Variants in STIM2 observed in about 807,000 individuals in gnomAD.
STIM2 encodes stromal interaction molecule 2.
Under a neutral mutation model 85.8 loss-of-function variants are expected in STIM2, and 31 were observed. That is an observed-to-expected ratio of 0.36 (90% CI 0.27 to 0.49). STIM2 has a LOEUF of 0.49. STIM2 is among the 20% of genes least tolerant of loss of function. The pLI is 0.98. For synonymous variants in STIM2, 356 were observed against 331.1 expected, an observed-to-expected ratio of 1.08 and a Z score of -0.82; for missense variants, 841 against 927.6, an observed-to-expected ratio of 0.91 and a Z score of 1.21.
chr4:26,885,118 C>G (rs1723166579), intron 1 of STIM2, among the ~76,000 whole-genome samples: 1 of 152,108 alleles, frequency 6.6e-6, no homozygotes, highest in Non-Finnish European at 1.5e-5. Flanking sequence ...CACAGATACT[C>G]TTAAGGATTG....
At chr4:27,009,174 G>A (rs577202174) in intron 10 of STIM2, among the ~76,000 whole-genome samples, 172 bp downstream of exon 10, 44 of 151,988 alleles carry the variant, frequency 2.9e-4, no homozygotes, top group Admixed American at 3.3e-4. Flanking sequence ...AATACCATAT[G>A]CAATGCATAT....
chr4:26,950,603 G>A (rs925954184), intron 2 of STIM2, among the ~76,000 whole-genome samples: 1 of 152,134 alleles, frequency 6.6e-6, no homozygotes, highest in African/African-American at 2.4e-5. Context: ...TAGTAACAAG[G>A]CACTCACCAG....
chr4:26,916,764 G>A (rs1013471458), intron 1 of STIM2, among the ~76,000 whole-genome samples: 7 of 151,496 alleles, frequency 4.6e-5, no homozygotes, highest in African/African-American at 1.5e-4. Context: ...GTCACTGAAC[G>A]TATGATGCTG....
At chr4:26,869,774 C>T (rs1214203050) in intron 1 of STIM2, among the ~76,000 whole-genome samples, 1 of 150,846 alleles carries the variant, frequency 6.6e-6, no homozygotes, top group Non-Finnish European at 1.5e-5. Context: ...TATTTTGTTT[C>T]TTAAAAGGCC....
chr4:27,021,463 C>T (rs572844908), intron 11 of STIM2: 114 of 456,622 alleles, frequency 2.5e-4, no homozygotes, highest in South Asian at 1.7e-3. Flanking sequence ...AATGCAGGGC[C>T]CTGAGGGGTC....
intron 3 of STIM2, among the ~76,000 whole-genome samples, chr4:26,961,412 C>T (rs1726463660): frequency 6.6e-6 from 1 of 152,088 alleles, no homozygotes; most frequent in Non-Finnish European, 1.5e-5. Flanking sequence ...TGATGTGACC[C>T]CTAATTACTA....
At chr4:26,895,396 A>G (rs1577422510) in intron 1 of STIM2, among the ~76,000 whole-genome samples, 1 of 152,146 alleles carries the variant, frequency 6.6e-6, no homozygotes, top group Non-Finnish European at 1.5e-5. Context: ...TTATTTTCAA[A>G]ATGGTTTTGC....
intron 2 of STIM2, among the ~76,000 whole-genome samples, chr4:26,947,881 A>G (rs912470990): frequency 6.6e-6 from 1 of 152,228 alleles, no homozygotes; most frequent in Non-Finnish European, 1.5e-5. Flanking sequence ...TCGTATGTCT[A>G]TCTTTTTCTA....
intron 7 of STIM2, among the ~76,000 whole-genome samples, chr4:27,004,452 C>T (rs1240074777): frequency 6.6e-6 from 1 of 152,110 alleles, no homozygotes; most frequent in Non-Finnish European, 1.5e-5. Context: ...CCTTTTTCCA[C>T]CAAGACATCC....
chr4:27,002,151 G>A (rs1418035330), intron 5 of STIM2, 66 bp from the exon 6 acceptor site: 5 of 1,442,852 alleles, frequency 3.5e-6, no homozygotes, highest in African/African-American at 1.4e-5. Context: ...CTTAAAAAAT[G>A]TCTTTTTGTA....
At chr4:26,940,763 T>C (rs1472790662) in intron 2 of STIM2, among the ~76,000 whole-genome samples, 3 of 152,164 alleles carry the variant, frequency 2.0e-5, no homozygotes, top group Non-Finnish European at 4.4e-5. Context: ...TTTGCTATTC[T>C]CTCCCCTACT....
At chr4:26,868,021 A>G (rs945989132) in intron 1 of STIM2, among the ~76,000 whole-genome samples, 1 of 152,240 alleles carries the variant, frequency 6.6e-6, no homozygotes, top group Non-Finnish European at 1.5e-5. Context: ...CTATAGCACA[A>G]GCATCATGGC....
At position 27,022,675 on chromosome 4, in the gene STIM2, G is replaced by A. The variant is rs576781106; in HGVS notation, c.1920G>A (p.Ser640=). The A allele has an allele frequency of 9.9e-6, 16 of 1,614,068 alleles. No individual in the cohort carries two copies. The Admixed American group carries it at 2.0e-4, about 20-fold the overall frequency. The change falls in exon 12 of 12, where the codon TCG becomes TCA. Residue 640 remains serine, a synonymous_variant. Transcript: ENST00000467087. ...TAGAGGATTCCTCCCGAGGGGATTC[G>A]CCTGTAACTGTGGATGTGTCTTGGG...
chr4:27,007,682 AG>A lies in STIM2; in HGVS notation c.1132del (p.Ala378LeufsTer29), dbSNP rs760232129. On this transcript the variant is annotated frameshift_variant, in exon 8 of 12. Transcript: ENST00000467087. LOFTEE classifies it high-confidence loss of function. ...AAAGACAAAACGCTGAAATGCAGCT[AG>A]CTATTGCTAAAGATGAGGTACTCTC... 6.4e-7 allele frequency: 1 copy of A among 1,574,510 alleles called. No individual in the cohort carries two copies.
At chr4:26,921,477 G>A (rs910102551) in intron 2 of STIM2, among the ~76,000 whole-genome samples, 1 of 152,138 alleles carries the variant, frequency 6.6e-6, no homozygotes, top group African/African-American at 2.4e-5. Flanking sequence ...ATTCAACTCC[G>A]CCACTATAGT....
chr4:27,008,838 G>A lies in STIM2; in HGVS notation c.1325G>A (p.Gly442Asp). Residue 442 changes from glycine (G) to aspartate (D), a missense_variant, in exon 10 of 12, where the codon GGC becomes GAC. This residue lies in a region of STIM2 where 408 missense variants were observed against 525.4 expected (regional missense o/e 0.78). Coordinates refer to ENST00000467087, the MANE Select transcript of STIM2 (RefSeq NM_020860.4). ...TGGCAACAAATTGAGAAGATCTGTGGCTTTCAGATAGCCCATAACTCAGGA... is the reference window on the plus strand; with the variant it reads ...TGGCAACAAATTGAGAAGATCTGTGACTTTCAGATAGCCCATAACTCAGGA... 6.2e-7 allele frequency: 1 copy of A among 1,614,122 alleles called. No individual in the cohort carries two copies. Among genetic ancestry groups the A allele is most frequent in the South Asian group, 1.1e-5 (1 of 91,066 alleles).
intron 2 of STIM2, among the ~76,000 whole-genome samples, chr4:26,945,726 T>C (rs1725808848): frequency 6.6e-6 from 1 of 152,252 alleles, no homozygotes; most frequent in Non-Finnish European, 1.5e-5. Flanking sequence ...TTCATATGCT[T>C]GTTGGCTGTA....
Position 26,861,187 on chromosome 4 carries a change from G to T in STIM2, c.-32G>T. 1.4e-6 allele frequency: 2 copies of T among 1,442,216 alleles called. No individual in the cohort carries two copies. The highest frequency in any genetic ancestry group is 1.8e-6 in the Non-Finnish European group (2 of 1,096,802). The allele number at this position is 1,442,216 out of a possible 1,614,324, so 89.3% of individuals were successfully genotyped here. A position where few individuals can be genotyped will look rare whatever the true frequency, so the allele number is the denominator to read the frequency against. ...GCCTCGACTCCTGGCCCAGCGTGGG[G>T]CTGGCTGCTGCGGCGGCGGCGCTGG... On this transcript the variant is annotated 5_prime_UTR_variant, in exon 1 of 12. Coordinates refer to ENST00000467087, the MANE Select transcript of STIM2 (RefSeq NM_020860.4).
At chr4:26,983,691 A>G (rs2109115601) in intron 3 of STIM2, among the ~76,000 whole-genome samples, 1 of 152,352 alleles carries the variant, frequency 6.6e-6, no homozygotes, top group East Asian at 1.9e-4. Flanking sequence ...CTCAATTTTT[A>G]GCTGGCCTTT....
Sources: allele counts gnomAD v4.1 joint callset (sites outside exome capture counted in the v4.1 genomes callset), GRCh38; gene constraint gnomAD v4.1.1; regional missense constraint gnomAD v4.1.1; transcripts MANE v1.5; gene names NCBI Gene and HGNC (gene_info 2026-07-23, HGNC 2026-07-21).